B3GLCT: variants seen among roughly 807,000 people sequenced by gnomAD.
B3GLCT encodes the protein beta-1,3-glucosyltransferase.
B3GLCT carries 65 observed loss-of-function variants against 63.4 expected under a neutral mutation model. The observed-to-expected ratio is 1.03, with a 90% confidence interval of 0.84 to 1.26. The LOEUF (loss-of-function observed/expected upper bound fraction) is 1.26. Ranked by LOEUF, B3GLCT falls within the 50% of genes most tolerant of loss-of-function variation. The pLI is 0.00. For synonymous variants in B3GLCT, 233 were observed against 219.2 expected, an observed-to-expected ratio of 1.06 and a Z score of -0.55; for missense variants, 577 against 604.8, an observed-to-expected ratio of 0.95 and a Z score of 0.48.
intron 11 of B3GLCT, 75 bp downstream of exon 11, chr13:31,284,836 A>G: frequency 1.1e-6 from 1 of 929,798 alleles, no homozygotes; most frequent in Non-Finnish European, 1.8e-6. Flanking sequence ...GTTAGGATAA[A>G]AATGAAATGT....
At position 31,321,934 on chromosome 13, in the gene B3GLCT, C is replaced by T. The variant is rs369446413; in HGVS notation, c.1185-1817C>T. 1.1e-4 allele frequency among the ~76,000 whole-genome samples: 17 copies of T among 152,096 alleles called. No individual in the cohort carries two copies. In the East Asian group the frequency reaches 3.3e-3, roughly 29 times the overall value. On this transcript the variant is annotated intron_variant, in intron 13 of 14. Transcript: ENST00000343307. ...TGGTGATTTCTGATATTTTGGTGCA[C>T]CTGTCACCCAAGTAGTGTACGCTGT...
intron 9 of B3GLCT, 75 bp from the exon 10 acceptor site, chr13:31,276,627 C>T (rs766527958): frequency 6.4e-5 from 58 of 903,678 alleles, no homozygotes; most frequent in Middle Eastern, 2.1e-4. Context: ...AACTCTAGAG[C>T]GTGTGAGATC....
intron 4 of B3GLCT, among the ~76,000 whole-genome samples, chr13:31,229,921 A>C (rs1035452100): frequency 3.3e-5 from 5 of 151,732 alleles, no homozygotes; most frequent in Non-Finnish European, 5.9e-5. Flanking sequence ...GATAAAAGCA[A>C]GTAGAAGAAA....
intron 7 of B3GLCT, among the ~76,000 whole-genome samples, chr13:31,263,177 G>C (rs1031516694): frequency 1.3e-5 from 2 of 152,128 alleles, no homozygotes; most frequent in Non-Finnish European, 2.9e-5. Context: ...TCATCCTGAA[G>C]GCAAATCCTT....
intron 3 of B3GLCT, 81 bp from the exon 4 acceptor site, chr13:31,229,104 G>T: frequency 1.1e-6 from 1 of 899,500 alleles, no homozygotes; most frequent in Non-Finnish European, 1.8e-6. Context: ...TTGCTTTGTA[G>T]CTATTTTTTC....
chr13:31,324,419 A>G (rs1013521525), intron 14 of B3GLCT, among the ~76,000 whole-genome samples: 1 of 152,196 alleles, frequency 6.6e-6, no homozygotes, highest in African/African-American at 2.4e-5. Flanking sequence ...AGGGTTATGG[A>G]AAAGAAGAGA....
Position 31,215,116 on chromosome 13 carries a change from A to G in B3GLCT, c.120+16A>G, listed in dbSNP as rs373936734. On this transcript the variant is annotated intron_variant, in intron 2 of 14. Coordinates refer to ENST00000343307, the MANE Select transcript of B3GLCT (RefSeq NM_194318.4). Reference sequence around the variant, plus strand: ...GCAGTCTCAGGTACTAATCCCAATGATCAAATCTTTTCCTCCCTTCTAAGA... The same window carrying G: ...GCAGTCTCAGGTACTAATCCCAATGGTCAAATCTTTTCCTCCCTTCTAAGA... The G allele has an allele frequency of 1.9e-5, 31 of 1,608,308 alleles. No individual in the cohort carries two copies. The highest frequency in any genetic ancestry group is 2.6e-5 in the Non-Finnish European group (31 of 1,176,900).
At chr13:31,271,406 A>C (rs1414341120) in intron 8 of B3GLCT, among the ~76,000 whole-genome samples, 1 of 152,186 alleles carries the variant, frequency 6.6e-6, no homozygotes, top group Non-Finnish European at 1.5e-5. Flanking sequence ...GTTTTTTGCT[A>C]TTACAACCAT....
Position 31,269,213 on chromosome 13 carries a change from G to GGCT in B3GLCT, c.597_599dup (p.Leu200dup). On this transcript the variant is annotated inframe_insertion and splice_region_variant. Transcript: ENST00000343307. ...AAAATCAAATTGTCTCTATTTTCTA[G>GGCT]GCTTACCAAGAGACTAAAGAGTGAA... The GGCT allele has an allele frequency of 6.2e-7, 1 of 1,604,368 alleles. No homozygotes were observed.
chr13:31,268,223 TGA>T (rs1320052935), intron 7 of B3GLCT, among the ~76,000 whole-genome samples: 5 of 152,192 alleles, frequency 3.3e-5, no homozygotes, highest in Non-Finnish European at 5.9e-5. Context: ...AGTCTAGTCT[TGA>T]GCTCTATAAA....
chr13:31,246,427 A>G (rs1056484705), intron 4 of B3GLCT, among the ~76,000 whole-genome samples: 3 of 152,198 alleles, frequency 2.0e-5, no homozygotes, highest in African/African-American at 4.8e-5. Flanking sequence ...AAATTTGTCA[A>G]TTCCATTATT....
intron 6 of B3GLCT, among the ~76,000 whole-genome samples, chr13:31,252,554 C>T (rs940253912): frequency 4.6e-5 from 7 of 151,770 alleles, no homozygotes; most frequent in Admixed American, 2.0e-4. Context: ...AAAAAAAAAG[C>T]GGGGGTTGCA....
At chr13:31,262,436 C>T (rs1872084287) in intron 7 of B3GLCT, among the ~76,000 whole-genome samples, 1 of 152,202 alleles carries the variant, frequency 6.6e-6, no homozygotes. Context: ...TCCCTTCATT[C>T]TTAGAAGGGT....
chr13:31,246,184 A>G (rs1162008578), intron 4 of B3GLCT, among the ~76,000 whole-genome samples: 1 of 152,202 alleles, frequency 6.6e-6, no homozygotes, highest in African/African-American at 2.4e-5. Flanking sequence ...TTTTATGGCT[A>G]GTATAAAACA....
intron 12 of B3GLCT, among the ~76,000 whole-genome samples, chr13:31,294,680 A>G (rs766919436): frequency 8.5e-5 from 13 of 152,148 alleles, no homozygotes; most frequent in Non-Finnish European, 1.8e-4. Context: ...GTTCTTCTCT[A>G]AACTGGTTAT....
At chr13:31,294,277 G>A (rs1433513007) in intron 12 of B3GLCT, among the ~76,000 whole-genome samples, 4 of 152,182 alleles carry the variant, frequency 2.6e-5, no homozygotes, top group South Asian at 2.1e-4. Context: ...TGAATCTGAC[G>A]ATTATGTGTC....
At chr13:31,267,768 C>T (rs114499006) in intron 7 of B3GLCT, among the ~76,000 whole-genome samples, 4,121 of 152,146 alleles carry the variant, frequency 0.027, 196 homozygotes, top group African/African-American at 0.094. Context: ...GTGGCCCAAC[C>T]AGACAGATGT....
In B3GLCT at chr13:31,330,041, TGGA is replaced by T; in HGVS notation, c.*375_*377del. The T allele has an allele frequency of 3.6e-6, 1 of 279,516 alleles. No homozygotes were observed. Among genetic ancestry groups the T allele is most frequent in the South Asian group, 4.0e-5 (1 of 25,080 alleles). 17.3% of individuals were successfully genotyped at this position (279,516 alleles called of 1,614,324 possible). On this transcript the variant is annotated 3_prime_UTR_variant, in exon 15 of 15. Transcript: ENST00000343307. ...TGGAAGTTTCAGTTGGGCATGAGCCTGGAGAGATGTGACTGTCTACAGTTCTAT... is the reference window on the plus strand; with the variant it reads ...TGGAAGTTTCAGTTGGGCATGAGCCTGAGATGTGACTGTCTACAGTTCTAT...
At chr13:31,308,361 CA>C (rs77115717) in intron 12 of B3GLCT, among the ~76,000 whole-genome samples, 6,955 of 65,170 alleles carry the variant, frequency 0.11, 1,213 homozygotes, top group East Asian at 0.38. Flanking sequence ...AAAAAAAAAA[CA>C]AAAAAAAAAG....
Sources: allele counts gnomAD v4.1 joint callset (sites outside exome capture counted in the v4.1 genomes callset), GRCh38; gene constraint gnomAD v4.1.1; transcripts MANE v1.5; gene names NCBI Gene and HGNC (gene_info 2026-07-23, HGNC 2026-07-21).